Variants in ZNF28 observed in about 807,000 individuals in gnomAD.
The protein encoded by ZNF28 is zinc finger protein KOX24.
ZNF28 carries 5 observed loss-of-function variants against 7.2 expected under a neutral mutation model. That is an observed-to-expected ratio of 0.70 (90% confidence interval 0.36 to 1.46). The LOEUF (loss-of-function observed/expected upper bound fraction) is 1.46. Ranked by LOEUF, ZNF28 falls within the 40% of genes most tolerant of loss-of-function variation. ZNF28 has a pLI of 0.03. For synonymous variants in ZNF28, 288 were observed against 292.4 expected (o/e 0.99, Z 0.15); for missense variants, 879 against 866.6 (o/e 1.01, Z -0.18).
Position 52,799,924 on chromosome 19 carries a change from C to T in ZNF28, c.1921G>A (p.Gly641Ser). Residue 641 changes from glycine to serine, a missense_variant, in exon 4 of 4, where the codon GGC becomes AGC. By Grantham distance (56) the Gly-to-Ser change is moderately conservative. This residue lies in a region of ZNF28 where 864 missense variants were observed against 830.2 expected (regional missense o/e 1.04). Transcript: ENST00000457749. ...GATGACATCTGACTGAAGGTCTTGC[C>T]ACACTCATTACACTTGTAAGGTTTC... ...GEKPYKCNEC[G>S]KTFSQMSSLV... 5 of 1,613,874 alleles carry T rather than the reference C, an allele frequency of 3.1e-6. No individual in the cohort carries two copies. The highest frequency in any genetic ancestry group is 3.4e-6 in the Non-Finnish European group (4 of 1,179,836).
chr19:52,812,952 A>C (rs1316388475), intron 2 of ZNF28, among the ~76,000 whole-genome samples: 1 of 151,342 alleles, frequency 6.6e-6, no homozygotes, highest in African/African-American at 2.4e-5. Flanking sequence ...GAAATTCCAC[A>C]ATCTGAGCTT....
intron 2 of ZNF28, among the ~76,000 whole-genome samples, chr19:52,816,647 G>T (rs977278656): frequency 8.5e-6 from 1 of 117,522 alleles, no homozygotes; most frequent in Admixed American, 9.0e-5. Context: ...CTGGGTGACA[G>T]AGTGAAAACA....
chr19:52,811,334 C>T (rs1208810413), intron 2 of ZNF28, among the ~76,000 whole-genome samples: 3 of 149,148 alleles, frequency 2.0e-5, no homozygotes, highest in South Asian at 2.1e-4. Context: ...AAGTGAGGAG[C>T]GACTCTGCCT....
chr19:52,801,253 G>A lies in ZNF28; in HGVS notation c.592C>T (p.His198Tyr). Reference sequence around the variant, plus strand: ...CGTTTTTGTGTGAGTAATGAAGAATGGAGGGAATTATTTCCATACTTATTA... The same window carrying A: ...CGTTTTTGTGTGAGTAATGAAGAATAGAGGGAATTATTTCCATACTTATTA... Reference protein sequence around the residue: ...ISNKYGNNSLHSSLLTQKRNV... With the variant: ...ISNKYGNNSLYSSLLTQKRNV... The change falls in exon 4 of 4, where the codon CAT becomes TAT. Residue 198 changes from histidine to tyrosine, a missense_variant. Transcript: ENST00000457749. The A allele has an allele frequency of 1.2e-6, 2 of 1,614,134 alleles. No homozygotes were observed. Among genetic ancestry groups the A allele is most frequent in the Non-Finnish European group, 1.7e-6 (2 of 1,180,028 alleles).
chr19:52,801,027 C>T lies in ZNF28; in HGVS notation c.818G>A (p.Cys273Tyr). ...ACCAAAGATCTTGCCACACTCATTACACTTGTAAGGTTTCTCATCAATGTG... is the reference window on the plus strand; with the variant it reads ...ACCAAAGATCTTGCCACACTCATTATACTTGTAAGGTTTCTCATCAATGTG... ...RSHIDEKPYK[C>Y]NECGKIFGHN... Residue 273 changes from cysteine to tyrosine, a missense_variant, in exon 4 of 4, where the codon TGT becomes TAT. Cys to Tyr is a radical substitution (Grantham distance 194, BLOSUM62 -2). Around this residue, in one of 2 missense-constraint regions of ZNF28, gnomAD observed 864 missense variants for 830.2 expected, o/e 1.04. Transcript: ENST00000457749. The T allele has an allele frequency of 1.9e-6, 3 of 1,614,160 alleles. No individual in the cohort carries two copies. The highest frequency in any genetic ancestry group is 2.5e-6 in the Non-Finnish European group (3 of 1,180,034).
rs554431647 is a variant in ZNF28, at chr19:52,800,004, T to C, written c.1841A>G (p.Lys614Arg). Residue 614 changes from lysine to arginine, a missense_variant, in exon 4 of 4, where the codon AAG (lysine) becomes AGG (arginine). Lys to Arg is a conservative substitution (Grantham distance 26). Coordinates refer to ENST00000457749, the MANE Select transcript of ZNF28 (RefSeq NM_006969.5). ...EKPYKCNECGKTFRQTSSLII... is the reference protein window; with the variant it reads ...EKPYKCNECGRTFRQTSSLII... ...AAGCGATGATGTCTGACGGAAGGTC[T>C]TGCCACACTCATTACACTTGTAAGG... 2.9e-4 allele frequency: 472 copies of C among 1,614,184 alleles called. 2 individuals carry two copies. In the South Asian group the frequency reaches 4.9e-3, roughly 17 times the overall value.
At chr19:52,811,735 G>C (rs2063045446) in intron 2 of ZNF28, among the ~76,000 whole-genome samples, 3 of 148,362 alleles carry the variant, frequency 2.0e-5, no homozygotes, top group East Asian at 2.1e-4. Context: ...TCTCCGCCCG[G>C]CAGCCGCCCC....
At chr19:52,803,201 T>G (rs1203806590) in intron 3 of ZNF28, among the ~76,000 whole-genome samples, 5 of 152,212 alleles carry the variant, frequency 3.3e-5, no homozygotes, top group African/African-American at 1.2e-4. Context: ...CCTTAGGTTC[T>G]GAGCACCTGG....
rs1007110793 is a variant in ZNF28 at position 52,815,429 on chromosome 19, C to T, written c.15+2515G>A. Among the ~76,000 whole-genome samples, 3 of 145,252 alleles carry T rather than the reference C, an allele frequency of 2.1e-5. No individual in the cohort carries two copies. The Admixed American group carries it at 2.1e-4, about 10-fold the overall frequency. On this transcript the variant is annotated intron_variant, in intron 2 of 3. Coordinates refer to ENST00000457749, the MANE Select transcript of ZNF28 (RefSeq NM_006969.5). ...CTACTCGAGAGTCTGAAGCAGGAGA[C>T]ACACTTGAACCCGGGAGGTAGAGGT... is the stretch of plus-strand genomic sequence containing the variant.
In ZNF28 at chr19:52,816,386, C is replaced by A. The variant is rs562249861; in HGVS notation, c.15+1558G>T. ...ATACAAAAAAATTAGCCAGGCAAGC[C>A]GGGCGCGGTGGCTCAAGCCTGTAAT... On this transcript the variant is annotated intron_variant, in intron 2 of 3. Coordinates refer to ENST00000457749, the MANE Select transcript of ZNF28 (RefSeq NM_006969.5). Among the ~76,000 whole-genome samples the A allele has an allele frequency of 2.1e-5, 3 of 145,884 alleles. 1 individual carries two copies. Among genetic ancestry groups the A allele is most frequent in the Admixed American group, 1.4e-4 (2 of 14,532 alleles).
At chr19:52,813,334 G>T (rs1487298855) in intron 2 of ZNF28, among the ~76,000 whole-genome samples, 3 of 151,050 alleles carry the variant, frequency 2.0e-5, no homozygotes, top group East Asian at 2.0e-4. Flanking sequence ...GTTTTGGGGA[G>T]CAGGGGAAGG....
intron 3 of ZNF28, among the ~76,000 whole-genome samples, chr19:52,806,347 C>A (rs369363760): frequency 3.3e-5 from 5 of 151,980 alleles, no homozygotes; most frequent in African/African-American, 1.2e-4. Context: ...CCACCCACCA[C>A]GGCGCCTGGC....
rs185134046 is a variant in ZNF28 at position 52,800,313 on chromosome 19, G to A, written c.1532C>T (p.Thr511Ile). 6.2e-7 allele frequency: 1 copy of A among 1,613,316 alleles called. No individual in the cohort carries two copies. Among genetic ancestry groups the A allele is most frequent in the East Asian group, 2.2e-5 (1 of 44,816 alleles). ...TCCAGTATGAACTCTCTGATGTTCT[G>A]TAAGGCATGAATCACTCCGGAAAGC... ...DKAFRSDSCL[T>I]EHQRVHTGEK... The change falls in exon 4 of 4, where the codon ACA becomes ATA. Residue 511 changes from threonine to isoleucine, a missense_variant. Transcript: ENST00000457749.
In ZNF28 at chr19:52,798,848, T is replaced by C; in HGVS notation, c.*840A>G. On this transcript the variant is annotated 3_prime_UTR_variant, in exon 4 of 4. Transcript: ENST00000457749. Reference sequence around the variant, plus strand: ...GAAAACTTTGTGACAATCATTATATTAGTCAAGTTTCCCTATACTATGGAT... The same window carrying C: ...GAAAACTTTGTGACAATCATTATATCAGTCAAGTTTCCCTATACTATGGAT... 8.4e-7 allele frequency: 1 copy of C among 1,184,472 alleles called. No homozygotes were observed. The allele number at this position is 1,184,472 out of a possible 1,614,324, so 73.4% of individuals were successfully genotyped here.
intron 2 of ZNF28, among the ~76,000 whole-genome samples, chr19:52,808,621 C>A (rs2062968989): frequency 1.3e-5 from 2 of 149,458 alleles, no homozygotes; most frequent in African/African-American, 4.9e-5. Flanking sequence ...GCAACAGAAA[C>A]TCCATCTCAA....
At chr19:52,820,759 G>C (rs2063187141) in intron 1 of ZNF28, among the ~76,000 whole-genome samples, 1 of 152,090 alleles carries the variant, frequency 6.6e-6, no homozygotes, top group Admixed American at 6.5e-5. Context: ...CATTTCTCCA[G>C]TTGCTTTTCT....
At chr19:52,820,417 CT>C (rs1441945135) in intron 1 of ZNF28, among the ~76,000 whole-genome samples, 1 of 149,428 alleles carries the variant, frequency 6.7e-6, no homozygotes, top group Non-Finnish European at 1.5e-5. Flanking sequence ...GCGCCCGGCC[CT>C]TATTTAACCT....
At chr19:52,810,491 T>A (rs1239027843) in intron 2 of ZNF28, 104 of 1,584,994 alleles carry the variant, frequency 6.6e-5, no homozygotes, top group Non-Finnish European at 8.7e-5. Context: ...CTTGGATGAG[T>A]CCCTATTTAG....
At position 52,800,479 on chromosome 19, in the gene ZNF28, G is replaced by A. The variant is rs375480363; in HGVS notation, c.1366C>T (p.Arg456Cys). The A allele has an allele frequency of 1.2e-5, 20 of 1,612,714 alleles. No homozygotes were observed. Among genetic ancestry groups the A allele is most frequent in the Admixed American group, 8.4e-5 (5 of 59,826 alleles). ...KVFNQQSTLARHHRLHTAEKP... is the reference protein window; with the variant it reads ...KVFNQQSTLACHHRLHTAEKP... ...TCTGCAGTATGAAGTCTATGATGGC[G>A]TGCAAGAGTTGATTGTTGATTAAAA... The change falls in exon 4 of 4, where the codon CGC becomes TGC. Residue 456 changes from arginine (R) to cysteine (C), a missense_variant. By Grantham distance (180) the Arg-to-Cys change is radical (BLOSUM62 -3). Coordinates refer to ENST00000457749, the MANE Select transcript of ZNF28 (RefSeq NM_006969.5).
Sources: allele counts gnomAD v4.1 joint callset (sites outside exome capture counted in the v4.1 genomes callset), GRCh38; gene constraint gnomAD v4.1.1; regional missense constraint gnomAD v4.1.1; transcripts MANE v1.5; gene names NCBI Gene and HGNC (gene_info 2026-07-23, HGNC 2026-07-21).